Variants in THSD7B observed in about 807,000 individuals in gnomAD.
THSD7B encodes thrombospondin type 1 domain containing 7B, also known as thrombospondin type-1 domain-containing protein 7B.
In THSD7B, 138 loss-of-function variants were observed where a neutral mutation model predicts 213.6. The observed-to-expected ratio is 0.65, with a 90% CI of 0.56 to 0.74. The LOEUF (loss-of-function observed/expected upper bound fraction) is 0.74, where lower values mean the gene tolerates loss of function less well. Ranked by LOEUF, THSD7B falls within the 30% of genes least tolerant of loss-of-function variation. THSD7B has a pLI of 0.00. For missense variants in THSD7B, 1,931 were observed against 1,991.5 expected, an observed-to-expected ratio of 0.97 and a Z score of 0.58; for synonymous variants, 742 against 687.0, an observed-to-expected ratio of 1.08 and a Z score of -1.25.
At chr2:137,495,075 G>C (rs552315863) in intron 15 of THSD7B, among the ~76,000 whole-genome samples, 11 of 152,116 alleles carry the variant, frequency 7.2e-5, no homozygotes, top group Non-Finnish European at 1.5e-4. Context: ...TTGTTTGTCT[G>C]TTTCTCTCTA....
At chr2:136,966,782 C>G (rs1056687014) in intron 2 of THSD7B, among the ~76,000 whole-genome samples, 1 of 152,112 alleles carries the variant, frequency 6.6e-6, no homozygotes, top group Admixed American at 6.5e-5. Context: ...CCTGAATATA[C>G]CATGAAGCAC....
chr2:137,362,535 G>A (rs962116708), intron 12 of THSD7B, among the ~76,000 whole-genome samples: 1 of 152,052 alleles, frequency 6.6e-6, no homozygotes, highest in Non-Finnish European at 1.5e-5. Flanking sequence ...GGGGATGGAG[G>A]AAGATCTGCC....
chr2:137,087,613 A>G (rs1247537553), intron 3 of THSD7B, among the ~76,000 whole-genome samples: 4 of 152,218 alleles, frequency 2.6e-5, no homozygotes, highest in Admixed American at 2.0e-4. Flanking sequence ...AGACCTCTAC[A>G]AGGAAAACTA....
chr2:137,425,459 C>T (rs1281899561), intron 14 of THSD7B, among the ~76,000 whole-genome samples: 1 of 152,228 alleles, frequency 6.6e-6, no homozygotes, highest in Non-Finnish European at 1.5e-5. Flanking sequence ...TCAGGTGATC[C>T]GCCCACCTCA....
chr2:136,911,433 G>T (rs890690519), intron 2 of THSD7B, among the ~76,000 whole-genome samples: 8 of 152,072 alleles, frequency 5.3e-5, no homozygotes, highest in Non-Finnish European at 4.4e-5. Context: ...TCTCCCTTAA[G>T]CATACATCCA....
chr2:137,117,086 A>G (rs965252059), intron 5 of THSD7B, among the ~76,000 whole-genome samples: 2 of 152,346 alleles, frequency 1.3e-5, no homozygotes, highest in Non-Finnish European at 2.9e-5. Context: ...GAGTAAAACT[A>G]TGCTGGATAA....
intron 20 of THSD7B, among the ~76,000 whole-genome samples, chr2:137,630,999 C>T (rs1429886387): frequency 6.6e-6 from 1 of 152,176 alleles, no homozygotes; most frequent in South Asian, 2.1e-4. Context: ...AGCCACACTT[C>T]GTCTTCAAAC....
intron 12 of THSD7B, among the ~76,000 whole-genome samples, chr2:137,329,525 C>T (rs774485255): frequency 2.2e-4 from 34 of 152,048 alleles, no homozygotes; most frequent in Non-Finnish European, 4.7e-4. Context: ...GCCACTATCC[C>T]CAATTAATTT....
chr2:137,004,670 G>A (rs1686069312), intron 2 of THSD7B, among the ~76,000 whole-genome samples: 1 of 152,128 alleles, frequency 6.6e-6, no homozygotes, highest in Non-Finnish European at 1.5e-5. Flanking sequence ...TTTTCATGAT[G>A]TTGATACCAT....
chr2:137,350,077 C>T (rs1473363908), intron 12 of THSD7B, among the ~76,000 whole-genome samples: 2 of 151,738 alleles, frequency 1.3e-5, no homozygotes, highest in African/African-American at 4.8e-5. Context: ...ATTCATTAAC[C>T]TGTTATGTAC....
chr2:136,999,462 C>CTT (rs144700485), intron 2 of THSD7B, among the ~76,000 whole-genome samples: 5 of 143,280 alleles, frequency 3.5e-5, no homozygotes, highest in African/African-American at 7.9e-5. Context: ...AATTAGGTAT[C>CTT]TTGTTTTTTT....
chr2:137,210,980 T>C (rs982392300), intron 7 of THSD7B, among the ~76,000 whole-genome samples: 7 of 152,020 alleles, frequency 4.6e-5, no homozygotes, highest in African/African-American at 1.7e-4. Flanking sequence ...TAGAGCTGTT[T>C]CTTCCAAACT....
chr2:137,140,890 C>G (rs753249677), intron 5 of THSD7B, among the ~76,000 whole-genome samples: 1 of 151,978 alleles, frequency 6.6e-6, no homozygotes, highest in Non-Finnish European at 1.5e-5. Context: ...TAATAATAAA[C>G]GAATGAGTAA....
chr2:137,028,697 G>A (rs1243470521), intron 2 of THSD7B, among the ~76,000 whole-genome samples: 1 of 152,168 alleles, frequency 6.6e-6, no homozygotes, highest in Admixed American at 6.5e-5. Context: ...GTAAGAAAGA[G>A]CCCAGCATGC....
intron 2 of THSD7B, among the ~76,000 whole-genome samples, chr2:137,028,405 T>C (rs1686594322): frequency 6.6e-6 from 1 of 152,192 alleles, no homozygotes; most frequent in Non-Finnish European, 1.5e-5. Context: ...ATCAACAATA[T>C]CAGCTGCCTT....
At chr2:137,110,024 A>G (rs1412024089) in intron 4 of THSD7B, among the ~76,000 whole-genome samples, 1 of 152,154 alleles carries the variant, frequency 6.6e-6, no homozygotes, top group African/African-American at 2.4e-5. Flanking sequence ...TTCTCTGCCC[A>G]GAACACCACT....
intron 2 of THSD7B, among the ~76,000 whole-genome samples, chr2:136,977,698 T>C (rs368472652): frequency 2.0e-5 from 3 of 152,260 alleles, no homozygotes; most frequent in African/African-American, 7.2e-5. Flanking sequence ...CTTCTTGATT[T>C]CTGCCTTAAT....
rs79418558 is a variant in THSD7B, at chr2:137,054,387, A to C, written c.140-2033A>C. On this transcript the variant is annotated intron_variant, in intron 2 of 27. Coordinates refer to ENST00000409968, the MANE Select transcript of THSD7B (RefSeq NM_001316349.2). ...TTGACATGCTATTGCCAAGAATGCC[A>C]GGTGTATATGGCTAGAACAGGGATG... Among the ~76,000 whole-genome samples the C allele has an allele frequency of 2.0e-5, 3 of 152,216 alleles. No individual in the cohort carries two copies. The East Asian group carries it at 5.8e-4, about 29-fold the overall frequency.
chr2:137,653,210 C>T (rs759795376), intron 21 of THSD7B, among the ~76,000 whole-genome samples: 23 of 152,092 alleles, frequency 1.5e-4, no homozygotes, highest in Non-Finnish European at 2.9e-4. Flanking sequence ...TATGCTTGGG[C>T]AGTGGATTTT....
Sources: allele counts gnomAD v4.1 joint callset (sites outside exome capture counted in the v4.1 genomes callset), GRCh38; gene constraint gnomAD v4.1.1; transcripts MANE v1.5; gene names NCBI Gene and HGNC (gene_info 2026-07-23, HGNC 2026-07-21).